JAG1: variants seen among roughly 807,000 people sequenced by gnomAD.
JAG1 encodes the protein jagged canonical Notch ligand 1, also known as protein jagged-1.
Under a neutral mutation model 148.7 loss-of-function variants are expected in JAG1, and 23 were observed. That is an observed-to-expected ratio of 0.15 (90% CI 0.11 to 0.22). The LOEUF (loss-of-function observed/expected upper bound fraction) is 0.22, where lower values mean the gene tolerates loss of function less well. Ranked by LOEUF, JAG1 falls within the 10% of genes least tolerant of loss-of-function variation. The pLI is 1.00. For missense variants in JAG1, 1,054 were observed against 1,611.2 expected (o/e 0.65, Z 5.92); for synonymous variants, 572 against 598.3 (o/e 0.96, Z 0.64).
At chr20:10,640,014 G>A (rs1022527658) in intron 25 of JAG1, 59 bp from the exon 26 acceptor site, 19 of 1,361,470 alleles carry the variant, frequency 1.4e-5, no homozygotes, top group Middle Eastern at 1.8e-4. Context: ...AAGCATCATC[G>A]CAGGAACAAA....
At chr20:10,652,726 C>A in intron 5 of JAG1, 128 bp from the exon 6 acceptor site, 1 of 941,938 alleles carries the variant, frequency 1.1e-6, no homozygotes, top group Non-Finnish European at 1.6e-6. Flanking sequence ...GGTAGACTCC[C>A]AAGGCTCATC....
chr20:10,656,494 C>G (rs1397130271), intron 4 of JAG1, 36 bp from the exon 5 acceptor site: 1 of 1,588,166 alleles, frequency 6.3e-7, no homozygotes, highest in Non-Finnish European at 8.6e-7. Context: ...CAGCACACTG[C>G]CTGTTCCTTG....
intron 2 of JAG1, among the ~76,000 whole-genome samples, chr20:10,664,451 C>T (rs564063227): frequency 6.6e-6 from 1 of 151,212 alleles, no homozygotes; most frequent in African/African-American, 2.4e-5. Flanking sequence ...GGTATTTGTA[C>T]CGAGGGGGTA....
intron 2 of JAG1, among the ~76,000 whole-genome samples, chr20:10,669,314 G>A (rs1425877320): frequency 2.0e-5 from 3 of 151,712 alleles, no homozygotes; most frequent in Non-Finnish European, 4.4e-5. Flanking sequence ...GCAAATCCTG[G>A]CTGCAGAAAG....
intron 2 of JAG1, among the ~76,000 whole-genome samples, chr20:10,665,682 C>T (rs1660830914): frequency 6.6e-6 from 1 of 152,164 alleles, no homozygotes; most frequent in Non-Finnish European, 1.5e-5. Flanking sequence ...TTGAGGCCCA[C>T]GTCCTCCACT....
chr20:10,661,476 C>T (rs2067416857), intron 3 of JAG1, among the ~76,000 whole-genome samples: 1 of 152,080 alleles, frequency 6.6e-6, no homozygotes, highest in Non-Finnish European at 1.5e-5. Context: ...GGTCCTGAGG[C>T]CAGAAAGCAT....
At chr20:10,647,937 A>T (rs2067320486) in intron 13 of JAG1, 23 bp downstream of exon 13, 1 of 1,613,536 alleles carries the variant, frequency 6.2e-7, no homozygotes, top group Admixed American at 1.7e-5. Context: ...GGAGACAGCC[A>T]GGTCCCGGGA....
Position 10,645,281 on chromosome 20 carries a change from G to A in JAG1, c.2114-25C>T. 1 of 1,608,128 alleles carries A rather than the reference G, an allele frequency of 6.2e-7. No individual in the cohort carries two copies. Among genetic ancestry groups the A allele is most frequent in the South Asian group, 1.1e-5 (1 of 90,952 alleles). ...CCTGGAGGAAAATATTTCAGTGTGA[G>A]TCCCAGTGGCCCCCTCCCACAGAAG... On this transcript the variant is annotated intron_variant, in intron 16 of 25. Coordinates refer to ENST00000254958, the MANE Select transcript of JAG1 (RefSeq NM_000214.3). The surrounding 1 kb of genome is among the most constrained non-coding windows in gnomAD (Gnocchi z 6.1).
chr20:10,666,381 C>T (rs1251095145), intron 2 of JAG1, among the ~76,000 whole-genome samples: 1 of 152,184 alleles, frequency 6.6e-6, no homozygotes, highest in Non-Finnish European at 1.5e-5. Flanking sequence ...CACATCAAAG[C>T]AGGGACCAGG....
At position 10,672,647 on chromosome 20, in the gene JAG1, G is replaced by C. The variant is rs953060502; in HGVS notation, c.387+54C>G. On this transcript the variant is annotated intron_variant, in intron 2 of 25. Transcript: ENST00000254958. ...CCTCTCGCAAGGGATAACAGGGCTC[G>C]GCCAGGCGCGGGTGTGAGGCTCCGC... is the stretch of plus-strand genomic sequence containing the variant. The C allele has an allele frequency of 1.9e-6, 3 of 1,566,594 alleles. No homozygotes were observed. In the South Asian group the frequency reaches 3.3e-5, roughly 17 times the overall value.
At chr20:10,657,969 G>A (rs2067389307) in intron 4 of JAG1, among the ~76,000 whole-genome samples, 1 of 152,236 alleles carries the variant, frequency 6.6e-6, no homozygotes, top group African/African-American at 2.4e-5. Context: ...TAGAAGCAGA[G>A]TCTGAGAAGG....
chr20:10,671,923 G>A (rs1378791048), intron 2 of JAG1, among the ~76,000 whole-genome samples: 1 of 151,908 alleles, frequency 6.6e-6, no homozygotes, highest in Non-Finnish European at 1.5e-5. Context: ...CCAAGCCTTG[G>A]CACGGCCCCC....
At position 10,658,634 on chromosome 20, in the gene JAG1, A is replaced by C. The variant is rs765603244; in HGVS notation, c.528T>G (p.Val176=). ...QWQTLKQNTG[V]AHFEYQIRVT... is the part of the protein sequence containing the mutation. ...CGCGGATCTGATACTCAAAGTGGGC[A>C]ACGCCCGTGTTCTGCTTCAGCGTCT... The change falls in exon 4 of 26, where the codon GTT becomes GTG. Residue 176 remains valine, a synonymous_variant. Coordinates refer to ENST00000254958, the MANE Select transcript of JAG1 (RefSeq NM_000214.3). 2 of 1,614,248 alleles carry C rather than the reference A, an allele frequency of 1.2e-6. No homozygotes were observed. Among genetic ancestry groups the C allele is most frequent in the Non-Finnish European group, 1.7e-6 (2 of 1,180,048 alleles).
At position 10,639,227 on chromosome 20, in the gene JAG1, C is replaced by T; in HGVS notation, c.*271G>A. The T allele has an allele frequency of 1.0e-5, 5 of 496,462 alleles. No individual in the cohort carries two copies. In the South Asian group the frequency reaches 1.0e-4, roughly 10 times the overall value. The allele number at this position is 496,462 out of a possible 1,614,324, so 30.8% of individuals were successfully genotyped here. On this transcript the variant is annotated 3_prime_UTR_variant, in exon 26 of 26. Transcript: ENST00000254958. ...CTCAAAGACCAGGGGGCTGGGCAGG[C>T]TCCTGGGAGCCTGATCCGAGACCGT...
chr20:10,646,018 T>C lies in JAG1; in HGVS notation c.1952A>G (p.Tyr651Cys). ...CCAGCCGTCACTACAGATGCACTTGTAGGAGTTGACACCATCGATGCAAGT... is the reference window on the plus strand; with the variant it reads ...CCAGCCGTCACTACAGATGCACTTGCAGGAGTTGACACCATCGATGCAAGT... Reference protein sequence around the residue: ...GGTCIDGVNSYKCICSDGWEG... With the variant: ...GGTCIDGVNSCKCICSDGWEG... The change falls in exon 15 of 26, where the codon TAC becomes TGC. Residue 651 changes from tyrosine (Y) to cysteine (C), a missense_variant. Coordinates refer to ENST00000254958, the MANE Select transcript of JAG1 (RefSeq NM_000214.3). The C allele has an allele frequency of 6.2e-7, 1 of 1,614,024 alleles. No homozygotes were observed. Among genetic ancestry groups the C allele is most frequent in the Non-Finnish European group, 8.5e-7 (1 of 1,179,922 alleles).
intron 2 of JAG1, among the ~76,000 whole-genome samples, chr20:10,665,132 G>GC (rs1418189134): frequency 6.6e-6 from 1 of 152,138 alleles, no homozygotes; most frequent in East Asian, 1.9e-4. Flanking sequence ...ACCGTGCTGT[G>GC]CCACCAGAAG....
intron 5 of JAG1, among the ~76,000 whole-genome samples, chr20:10,654,129 G>A (rs953616955): frequency 6.6e-6 from 1 of 152,172 alleles, no homozygotes; most frequent in African/African-American, 2.4e-5. Context: ...ATTACGAAAT[G>A]GCAATATTCT....
rs144999773 is a variant in JAG1 at position 10,658,641 on chromosome 20, G to A, written c.521C>T (p.Thr174Met). The A allele has an allele frequency of 3.7e-5, 59 of 1,614,094 alleles. No individual in the cohort carries two copies. Among genetic ancestry groups the A allele is most frequent in the East Asian group, 4.5e-5 (2 of 44,902 alleles). The change falls in exon 4 of 26, where the codon ACG becomes ATG. Residue 174 changes from threonine (T) to methionine (M), a missense_variant. Transcript: ENST00000254958. Reference sequence around the variant, plus strand: ...CTGATACTCAAAGTGGGCAACGCCCGTGTTCTGCTTCAGCGTCTGCCACTG... The same window carrying A: ...CTGATACTCAAAGTGGGCAACGCCCATGTTCTGCTTCAGCGTCTGCCACTG... ...SRQWQTLKQN[T>M]GVAHFEYQIR...
In JAG1 at chr20:10,645,811, TA is replaced by T; in HGVS notation, c.1999+159del. 2.9e-6 allele frequency: 2 copies of T among 696,412 alleles called. No homozygotes were observed. 43.1% of individuals were successfully genotyped at this position (696,412 alleles called of 1,614,324 possible). Reference sequence around the variant, plus strand: ...CCCCATAAGCTATCATCAGGACTCATAAATGCAAATGAGACACAAGTGATAC... The same window carrying T: ...CCCCATAAGCTATCATCAGGACTCATAATGCAAATGAGACACAAGTGATAC... On this transcript the variant is annotated intron_variant, in intron 15 of 25. Coordinates refer to ENST00000254958, the MANE Select transcript of JAG1 (RefSeq NM_000214.3). The surrounding 1 kb of genome is among the most constrained non-coding windows in gnomAD (Gnocchi z 6.1).
Sources: allele counts gnomAD v4.1 joint callset (sites outside exome capture counted in the v4.1 genomes callset), GRCh38; gene constraint gnomAD v4.1.1; non-coding constraint Gnocchi (gnomAD v3.1); transcripts MANE v1.5; gene names NCBI Gene and HGNC (gene_info 2026-07-23, HGNC 2026-07-21).